KCNQ1: variants seen among roughly 807,000 people sequenced by gnomAD.
KCNQ1 encodes potassium voltage-gated channel subfamily KQT member 1.
In KCNQ1, 49 loss-of-function variants were observed where a neutral mutation model predicts 72.4. The ratio of observed to expected loss-of-function variants is 0.68; its 90% confidence interval spans 0.54 to 0.86. The LOEUF (loss-of-function observed/expected upper bound fraction) is 0.86, where lower values mean the gene tolerates loss of function less well. Ranked by LOEUF, KCNQ1 falls within the 40% of genes least tolerant of loss-of-function variation. KCNQ1 has a pLI of 0.00. For missense variants in KCNQ1, 790 were observed against 945.1 expected, an observed-to-expected ratio of 0.84 and a Z score of 2.15; for synonymous variants, 450 against 412.6, an observed-to-expected ratio of 1.09 and a Z score of -1.10.
chr11:2,561,188 G>A (rs535557705), intron 2 of KCNQ1, among the ~76,000 whole-genome samples: 4 of 145,236 alleles, frequency 2.8e-5, no homozygotes, highest in South Asian at 2.2e-4. Context: ...GGGCGACAGC[G>A]AGACTCCGTC....
chr11:2,690,069 C>A lies in KCNQ1; in HGVS notation c.1514+27988C>A. ...CTCCCCTCTCCTAGCCTGCTTCTGT[C>A]TGGGCTGAAGGCACAGCAGGGACAA... On this transcript the variant is annotated intron_variant, in intron 11 of 15. Transcript: ENST00000155840. The surrounding 1 kb of genome is among the most constrained non-coding windows in gnomAD (Gnocchi z 5.1). The A allele has an allele frequency of 5.0e-6, 2 of 398,884 alleles. No homozygotes were observed. Among genetic ancestry groups the A allele is most frequent in the East Asian group, 7.1e-5 (2 of 28,074 alleles). 24.7% of individuals were successfully genotyped at this position (398,884 alleles called of 1,614,324 possible).
rs1264186398 is a variant in KCNQ1 at position 2,782,130 on chromosome 11, T to G, written c.1794+4093T>G. On this transcript the variant is annotated intron_variant, in intron 15 of 15. Coordinates refer to ENST00000155840, the MANE Select transcript of KCNQ1 (RefSeq NM_000218.3). This position sits in a 1 kb window ranked among gnomAD's most constrained non-coding sequence, Gnocchi z 6.1. ...CACAAGCTGGACCCCAAGGCTTTTT[T>G]GTCTTGGGCAGTTCCCCGAGCTGCA... Among the ~76,000 whole-genome samples the G allele has an allele frequency of 6.6e-6, 1 of 152,198 alleles. No individual in the cohort carries two copies. Among genetic ancestry groups the G allele is most frequent in the Non-Finnish European group, 1.5e-5 (1 of 68,036 alleles).
At chr11:2,485,375 C>A (rs113255961) in intron 1 of KCNQ1, among the ~76,000 whole-genome samples, 11 of 144,866 alleles carry the variant, frequency 7.6e-5, no homozygotes, top group South Asian at 2.3e-4. Flanking sequence ...CCCACCCCCC[C>A]ACCCTGGACA....
intron 11 of KCNQ1, chr11:2,694,713 G>A (rs949058263): frequency 2.0e-5 from 8 of 398,508 alleles, no homozygotes; most frequent in Non-Finnish European, 3.5e-5. Flanking sequence ...CTCTTCCGGT[G>A]GAAGAGATAG....
At position 2,483,661 on chromosome 11, in the gene KCNQ1, T is replaced by C. The variant is rs780945356; in HGVS notation, c.386+38177T>C. On this transcript the variant is annotated intron_variant, in intron 1 of 15. Coordinates refer to ENST00000155840, the MANE Select transcript of KCNQ1 (RefSeq NM_000218.3). The surrounding 1 kb of genome is among the most constrained non-coding windows in gnomAD (Gnocchi z 6.1). ...TCGGTTTGGATTCTCTGATATGCTC[T>C]CATGATTAGATCAAGATTGTGCATT... Among the ~76,000 whole-genome samples, 1 of 152,182 alleles carries C rather than the reference T, an allele frequency of 6.6e-6. No individual in the cohort carries two copies. The highest frequency in any genetic ancestry group is 1.5e-5 in the Non-Finnish European group (1 of 68,026).
At position 2,517,273 on chromosome 11, in the gene KCNQ1, C is replaced by T. The variant is rs191807237; in HGVS notation, c.387-10655C>T. Among the ~76,000 whole-genome samples the T allele has an allele frequency of 9.1e-4, 138 of 152,236 alleles. 1 individual carries two copies. The South Asian group carries it at 0.023, about 26-fold the overall frequency. On this transcript the variant is annotated intron_variant, in intron 1 of 15. Coordinates refer to ENST00000155840, the MANE Select transcript of KCNQ1 (RefSeq NM_000218.3). The stretch of plus-strand genomic sequence containing the variant: ...AATGCACACCTGTCACCTCTTGGTG[C>T]GGGGGCATCCAGGTTCCTGGCGATG...
rs1025714702 is a variant in KCNQ1 at position 2,493,589 on chromosome 11, C to G, written c.387-34339C>G. 6.6e-6 allele frequency among the ~76,000 whole-genome samples: 1 copy of G among 152,190 alleles called. No homozygotes were observed. The highest frequency in any genetic ancestry group is 2.4e-5 in the African/African-American group (1 of 41,446). ...ATATGACTAGCCAGTTTTCCCAGCA[C>G]CATTTATTAAATAGAGAATCCTTTC... On this transcript the variant is annotated intron_variant, in intron 1 of 15. Coordinates refer to ENST00000155840, the MANE Select transcript of KCNQ1 (RefSeq NM_000218.3). The surrounding 1 kb of genome is among the most constrained non-coding windows in gnomAD (Gnocchi z 5.3).
rs965906809 is a variant in KCNQ1 at position 2,509,187 on chromosome 11, G to A, written c.387-18741G>A. On this transcript the variant is annotated intron_variant, in intron 1 of 15. Coordinates refer to ENST00000155840, the MANE Select transcript of KCNQ1 (RefSeq NM_000218.3). This position sits in a 1 kb window ranked among gnomAD's most constrained non-coding sequence, Gnocchi z 6.3. ...CAGGTTGGGAGAGCAACTATCTCAA[G>A]GCTTTTATTTGCTGTTTCATGAAAC... is the stretch of plus-strand genomic sequence containing the variant. Among the ~76,000 whole-genome samples the A allele has an allele frequency of 1.1e-4, 17 of 152,198 alleles. No individual in the cohort carries two copies. Among genetic ancestry groups the A allele is most frequent in the Non-Finnish European group, 2.1e-4 (14 of 68,026 alleles).
At chr11:2,501,247 G>GTT (rs55653039) in intron 1 of KCNQ1, among the ~76,000 whole-genome samples, 3,678 of 148,938 alleles carry the variant, frequency 0.025, 134 homozygotes, top group African/African-American at 0.076. Context: ...TAAAAAGTTG[G>GTT]TTTTTTTTTT....
rs55641944 is a variant in KCNQ1, at chr11:2,733,864, C to CTCT, written c.1515-34980_1515-34979insTCT. 1.2e-4 allele frequency among the ~76,000 whole-genome samples: 12 copies of CTCT among 96,364 alleles called. 1 individual carries two copies. The highest frequency in any genetic ancestry group is 5.0e-4 in the African/African-American group (12 of 23,766). 63.2% of individuals were successfully genotyped at this position (96,364 alleles called of 152,430 possible). A position where few individuals can be genotyped will look rare whatever the true frequency, so the allele number is the denominator to read the frequency against. ...CTCTCTCTCTCTCTCTCTCCCCCCC[C>CTCT]ACTTCAGGGCCTTCGCGCCCGCTGT... On this transcript the variant is annotated intron_variant, in intron 11 of 15. Transcript: ENST00000155840.
In KCNQ1 at chr11:2,617,885, A is replaced by G. The variant is rs1381966682; in HGVS notation, c.1393+29031A>G. ...TGCCCATTTTTTAATTGGGTTATCT[A>G]TTTTCTTGTTATTGAGTTGTATGCA... On this transcript the variant is annotated intron_variant, in intron 10 of 15. Coordinates refer to ENST00000155840, the MANE Select transcript of KCNQ1 (RefSeq NM_000218.3). This position sits in a 1 kb window ranked among gnomAD's most constrained non-coding sequence, Gnocchi z 4.6. 1.3e-5 allele frequency: 5 copies of G among 398,088 alleles called. No individual in the cohort carries two copies. Among genetic ancestry groups the G allele is most frequent in the Admixed American group, 8.8e-5 (2 of 22,696 alleles). 24.7% of individuals were successfully genotyped at this position (398,088 alleles called of 1,614,324 possible). A position where few individuals can be genotyped will look rare whatever the true frequency, so the allele number is the denominator to read the frequency against.
At position 2,658,691 on chromosome 11, in the gene KCNQ1, TATG is replaced by T. The variant is rs532335709; in HGVS notation, c.1394-3269_1394-3267del. 12 of 398,578 alleles carry T rather than the reference TATG, an allele frequency of 3.0e-5. No individual in the cohort carries two copies. The East Asian group carries it at 3.9e-4, about 13-fold the overall frequency. 24.7% of individuals were successfully genotyped at this position (398,578 alleles called of 1,614,324 possible). A position where few individuals can be genotyped will look rare whatever the true frequency, so the allele number is the denominator to read the frequency against. On this transcript the variant is annotated intron_variant, in intron 10 of 15. Transcript: ENST00000155840. The surrounding 1 kb of genome is among the most constrained non-coding windows in gnomAD (Gnocchi z 4.9). ...TCTCAGTGGACAGAGCTAGGAAATA[TATG>T]TATGTATGTAACCTGAGTACACATA...
intron 11 of KCNQ1, among the ~76,000 whole-genome samples, chr11:2,738,865 G>A (rs765330855): frequency 6.6e-5 from 10 of 152,208 alleles, no homozygotes; most frequent in Admixed American, 2.0e-4. Context: ...ATCATCAGAC[G>A]CTGGCCCCAG....
At chr11:2,779,879 T>C (rs1485888325) in intron 15 of KCNQ1, among the ~76,000 whole-genome samples, 1 of 152,178 alleles carries the variant, frequency 6.6e-6, no homozygotes, top group East Asian at 1.9e-4. Flanking sequence ...ATGCACCCAA[T>C]TTCTTCACAT....
chr11:2,755,865 G>A lies in KCNQ1; in HGVS notation c.1515-12979G>A, dbSNP rs1034139075. On this transcript the variant is annotated intron_variant, in intron 11 of 15. Coordinates refer to ENST00000155840, the MANE Select transcript of KCNQ1 (RefSeq NM_000218.3). ...AATCACTAATAGAAACTAAAATAAC[G>A]AATCAATAAATATACAAATTATCAG... Among the ~76,000 whole-genome samples the A allele has an allele frequency of 1.2e-4, 19 of 152,198 alleles. No individual in the cohort carries two copies. In the South Asian group the frequency reaches 1.5e-3, roughly 12 times the overall value.
rs564407478 is a variant in KCNQ1 at position 2,561,541 on chromosome 11, C to T, written c.478-9087C>T. ...TCCCCACAGTCCTAGGAGGTGGGCA[C>T]TGCTGGTGCCCCATTTTACAGGTGT... On this transcript the variant is annotated intron_variant, in intron 2 of 15. Transcript: ENST00000155840. Among the ~76,000 whole-genome samples the T allele has an allele frequency of 3.3e-5, 5 of 152,330 alleles. No homozygotes were observed. In the East Asian group the frequency reaches 5.8e-4, roughly 18 times the overall value.
At chr11:2,466,648 TGCCAGGCTGCTGCCTGGG>T (rs756561219) in intron 1 of KCNQ1, among the ~76,000 whole-genome samples, 5 of 152,180 alleles carry the variant, frequency 3.3e-5, no homozygotes, top group Admixed American at 6.5e-5. Flanking sequence ...GAGAGCTTGC[TGCCAGGCTGCTGCCTGGG>T]GCCAGGCTTC....
At position 2,555,023 on chromosome 11, in the gene KCNQ1, G is replaced by A. The variant is rs571582604; in HGVS notation, c.478-15605G>A. Among the ~76,000 whole-genome samples the A allele has an allele frequency of 4.6e-5, 7 of 152,168 alleles. No individual in the cohort carries two copies. The South Asian group carries it at 1.0e-3, about 22-fold the overall frequency. The stretch of plus-strand genomic sequence containing the variant: ...CGCTGACACACGTGCACACACACAC[G>A]TCCACAGGGCAGCCTTTAATAACCG... On this transcript the variant is annotated intron_variant, in intron 2 of 15. Transcript: ENST00000155840.
chr11:2,627,127 C>CT lies in KCNQ1; in HGVS notation c.1394-34831dup. ...GTTTTGTAATTTTCATTGTACAAGA[C>CT]TTTCACCTCCTTGGTAAAGTTGGTT... On this transcript the variant is annotated intron_variant, in intron 10 of 15. Coordinates refer to ENST00000155840, the MANE Select transcript of KCNQ1 (RefSeq NM_000218.3). The surrounding 1 kb of genome is among the most constrained non-coding windows in gnomAD (Gnocchi z 4.9). 2.5e-6 allele frequency: 1 copy of CT among 398,468 alleles called. No homozygotes were observed. The highest frequency in any genetic ancestry group is 4.4e-6 in the Non-Finnish European group (1 of 226,040). 24.7% of individuals were successfully genotyped at this position (398,468 alleles called of 1,614,324 possible). A position where few individuals can be genotyped will look rare whatever the true frequency, so the allele number is the denominator to read the frequency against.
Sources: allele counts gnomAD v4.1 joint callset (sites outside exome capture counted in the v4.1 genomes callset), GRCh38; gene constraint gnomAD v4.1.1; non-coding constraint Gnocchi (gnomAD v3.1); transcripts MANE v1.5; gene names NCBI Gene and HGNC (gene_info 2026-07-23, HGNC 2026-07-21).